The following LRP1 variants were observed in gnomAD, a reference collection of about 807,000 sequenced individuals.
The protein encoded by LRP1 is prolow-density lipoprotein receptor-related protein 1.
A neutral mutation model predicts 541.5 loss-of-function variants in LRP1; 51 were observed. That is an observed-to-expected ratio of 0.09 (90% CI 0.08 to 0.12). The LOEUF (loss-of-function observed/expected upper bound fraction) is 0.12, where lower values mean the gene tolerates loss of function less well. Among genes scored for constraint, LRP1 ranks in the 10% least tolerant of loss-of-function variants. The probability of loss-of-function intolerance (pLI) is 1.00; values close to 1 mark genes in which losing one functional copy is unlikely to be tolerated. For missense variants in LRP1, 3,878 were observed against 6,376.2 expected (o/e 0.61, Z 13.34); for synonymous variants, 2,219 against 2,470.8 (o/e 0.90, Z 3.02).
At position 57,198,598 on chromosome 12, in the gene LRP1, C is replaced by T. The variant is rs908773718; in HGVS notation, c.9604C>T (p.Arg3202Cys). 42 of 1,613,724 alleles carry T rather than the reference C, an allele frequency of 2.6e-5. No homozygotes were observed. Among genetic ancestry groups the T allele is most frequent in the Non-Finnish European group, 3.5e-5 (41 of 1,179,966 alleles). ...CCTGACGCTGGACTATGTCACTGAG[C>T]GCATCTACTGGGCCGACGCCCGCGA... ...NGLTLDYVTERIYWADAREDY... is the reference protein window; with the variant it reads ...NGLTLDYVTECIYWADAREDY... Residue 3202 changes from arginine to cysteine, a missense_variant, in exon 60 of 89, where the codon CGC (arginine) becomes TGC (cysteine). Around this residue, in one of 13 missense-constraint regions of LRP1, gnomAD observed 1,100 missense variants for 1,827.4 expected, o/e 0.60. Coordinates refer to ENST00000243077, the MANE Select transcript of LRP1 (RefSeq NM_002332.3).
rs375230808 is a variant in LRP1 at position 57,210,047 on chromosome 12, G to A, written c.12458G>A (p.Arg4153His). The A allele has an allele frequency of 6.8e-6, 11 of 1,610,658 alleles. No individual in the cohort carries two copies. The highest frequency in any genetic ancestry group is 2.2e-5 in the South Asian group (2 of 90,598). Residue 4153 changes from arginine to histidine, a missense_variant, in exon 81 of 89, where the codon CGC becomes CAC. Physicochemically the swap from Arg to His is conservative, Grantham distance 29. Around this residue, in one of 13 missense-constraint regions of LRP1, gnomAD observed 871 missense variants for 1,212.4 expected, o/e 0.72. Coordinates refer to ENST00000243077, the MANE Select transcript of LRP1 (RefSeq NM_002332.3). ...CCTGCAGTGACCAACCCATGTGACC[G>A]CAAGAAATGCGAGTGGCTCTGCCTG... is the stretch of plus-strand genomic sequence containing the variant. Reference protein sequence around the residue: ...KQPEVTNPCDRKKCEWLCLLS... With the variant: ...KQPEVTNPCDHKKCEWLCLLS...
chr12:57,209,835 G>A lies in LRP1; in HGVS notation c.12406G>A (p.Val4136Met), dbSNP rs746896607. 13 of 1,614,032 alleles carry A rather than the reference G, an allele frequency of 8.1e-6. No individual in the cohort carries two copies. The highest frequency in any genetic ancestry group is 1.3e-5 in the African/African-American group (1 of 74,934). Residue 4136 changes from valine to methionine, a missense_variant, in exon 80 of 89, where the codon GTG (valine) becomes ATG (methionine). By Grantham distance (21) the Val-to-Met change is conservative. Transcript: ENST00000243077. ...AGGGGGCCTGAGCCACGCCTCTGAC[G>A]TGGTCCTTTACCATCAGCACAAGCA... The part of the protein sequence containing the change: ...LTGGLSHASD[V>M]VLYHQHKQPE...
chr12:57,169,456 C>T (rs914585980), intron 20 of LRP1, 149 bp downstream of exon 20: 14 of 720,176 alleles, frequency 1.9e-5, no homozygotes, highest in African/African-American at 5.3e-5. Context: ...CCTTCAGGAG[C>T]TCCCGGTCCT....
chr12:57,201,316 T>C lies in LRP1; in HGVS notation c.10345+163T>C, dbSNP rs1295518214. On this transcript the variant is annotated intron_variant, in intron 65 of 88. Transcript: ENST00000243077. This position sits in a 1 kb window ranked among gnomAD's most constrained non-coding sequence, Gnocchi z 6.4. ...CTTTGCTCATAAAAATCATCATGCA[T>C]GATATAGAGACATAGAGATCCAGAA... 6.6e-6 allele frequency among the ~76,000 whole-genome samples: 1 copy of C among 152,122 alleles called. No individual in the cohort carries two copies. The highest frequency in any genetic ancestry group is 6.5e-5 in the Admixed American group (1 of 15,282).
In LRP1 at chr12:57,128,898, G is replaced by C. The variant is rs984630715; in HGVS notation, c.-67G>C. 3 of 1,373,964 alleles carry C rather than the reference G, an allele frequency of 2.2e-6. No individual in the cohort carries two copies. Among genetic ancestry groups the C allele is most frequent in the East Asian group, 2.6e-5 (1 of 38,844 alleles). 85.1% of individuals were successfully genotyped at this position (1,373,964 alleles called of 1,614,324 possible). A position where few individuals can be genotyped will look rare whatever the true frequency, so the allele number is the denominator to read the frequency against. Reference sequence around the variant, plus strand: ...GAGGAAAAGGGGGACCCCCCAACTGGGGGGGGTGAAGGAGAGAAGTAGCAG... The same window carrying C: ...GAGGAAAAGGGGGACCCCCCAACTGCGGGGGGTGAAGGAGAGAAGTAGCAG... On this transcript the variant is annotated 5_prime_UTR_variant, in exon 1 of 89. Transcript: ENST00000243077.
intron 2 of LRP1, among the ~76,000 whole-genome samples, chr12:57,141,106 A>T (rs1173033802): frequency 1.3e-5 from 2 of 152,036 alleles, no homozygotes; most frequent in African/African-American, 4.8e-5. Flanking sequence ...CTGAGCATAG[A>T]ATGTTGAGGC....
At chr12:57,196,850 T>G (rs1592652966) in intron 55 of LRP1, 132 bp from the exon 56 acceptor site, 2 of 721,174 alleles carry the variant, frequency 2.8e-6, no homozygotes, top group Admixed American at 4.8e-5. Flanking sequence ...GCCAGCTGGG[T>G]GGGCTCAGTA....
At position 57,179,609 on chromosome 12, in the gene LRP1, C is replaced by T; in HGVS notation, c.4966+53C>T. 6.5e-7 allele frequency: 1 copy of T among 1,534,508 alleles called. No homozygotes were observed. The highest frequency in any genetic ancestry group is 2.3e-5 in the East Asian group (1 of 44,300). On this transcript the variant is annotated intron_variant, in intron 29 of 88. Transcript: ENST00000243077. This position sits in a 1 kb window ranked among gnomAD's most constrained non-coding sequence, Gnocchi z 6.8. ...GTGGACATGGGCACCTCCACCCGCC[C>T]CTTGCTCCCAACCCTGGTCTACTTG...
At position 57,211,718 on chromosome 12, in the gene LRP1, T is replaced by A; in HGVS notation, c.13194-32T>A. ...CTGGCAGCAGTGGCTATGGAGGTTA[T>A]ACCTACTCAGCCGTGTCCCTCCTTT... On this transcript the variant is annotated intron_variant, in intron 85 of 88. Transcript: ENST00000243077. This position sits in a 1 kb window ranked among gnomAD's most constrained non-coding sequence, Gnocchi z 4.3. 1.9e-6 allele frequency: 3 copies of A among 1,606,120 alleles called. No individual in the cohort carries two copies. The highest frequency in any genetic ancestry group is 2.6e-6 in the Non-Finnish European group (3 of 1,173,588).
intron 2 of LRP1, 138 bp downstream of exon 2, chr12:57,138,719 T>TA (rs1170389146): frequency 8.1e-7 from 1 of 1,241,164 alleles, no homozygotes; most frequent in Non-Finnish European, 1.1e-6. Context: ...ATGACACAGC[T>TA]AAAACTGTCC....
At chr12:57,174,004 G>T (rs2035996087) in intron 22 of LRP1, 24 bp downstream of exon 22, 5 of 1,610,540 alleles carry the variant, frequency 3.1e-6, no homozygotes, top group East Asian at 2.2e-5. Flanking sequence ...CCAGGAGAAG[G>T]GTAGGGAGGG....
intron 76 of LRP1, among the ~76,000 whole-genome samples, chr12:57,207,547 AAAAG>A (rs2036811060): frequency 6.6e-6 from 1 of 151,702 alleles, no homozygotes; most frequent in Non-Finnish European, 1.5e-5. Flanking sequence ...AAAAAAAAGA[AAAAG>A]AAAACAAAAG....
intron 4 of LRP1, 83 bp downstream of exon 4, chr12:57,143,881 G>A: frequency 6.8e-7 from 1 of 1,468,556 alleles, no homozygotes; most frequent in Middle Eastern, 1.8e-4. Context: ...GAGGGGTAGG[G>A]GGCCTGGCTG....
At chr12:57,207,318 T>TA (rs1191536400) in intron 76 of LRP1, among the ~76,000 whole-genome samples, 53 of 37,788 alleles carry the variant, frequency 1.4e-3, no homozygotes, top group East Asian at 7.8e-3. Flanking sequence ...AATAAATAAA[T>TA]AAATAAAATA....
At position 57,208,799 on chromosome 12, in the gene LRP1, A is replaced by G. The variant is rs762976274; in HGVS notation, c.12127A>G (p.Asn4043Asp). The G allele has an allele frequency of 1.9e-6, 3 of 1,613,864 alleles. No homozygotes were observed. The highest frequency in any genetic ancestry group is 2.5e-6 in the Non-Finnish European group (3 of 1,179,932). Residue 4043 changes from asparagine to aspartate, a missense_variant, in exon 78 of 89, where the codon AAC becomes GAC. Around this residue, in one of 13 missense-constraint regions of LRP1, gnomAD observed 871 missense variants for 1,212.4 expected, o/e 0.72. Transcript: ENST00000243077. Reference protein sequence around the residue: ...GTLRETLVQDNIQWPTGLAVD... With the variant: ...GTLRETLVQDDIQWPTGLAVD... ...GCTTCGGGAGACACTGGTGCAGGACAACATTCAGTGGCCCACAGGTTTGTG... is the reference window on the plus strand; with the variant it reads ...GCTTCGGGAGACACTGGTGCAGGACGACATTCAGTGGCCCACAGGTTTGTG...
Position 57,177,266 on chromosome 12 carries a change from TCTC to T in LRP1, c.4196+24_4196+26del. 2 of 1,610,470 alleles carry T rather than the reference TCTC, an allele frequency of 1.2e-6. No individual in the cohort carries two copies. Among genetic ancestry groups the T allele is most frequent in the Non-Finnish European group, 1.7e-6 (2 of 1,177,192 alleles). On this transcript the variant is annotated intron_variant, in intron 25 of 88. Transcript: ENST00000243077. This position sits in a 1 kb window ranked among gnomAD's most constrained non-coding sequence, Gnocchi z 6.8. The stretch of plus-strand genomic sequence containing the variant: ...GATGGGTGAGGACCTTGCCCAGCCT[TCTC>T]CTGGCCCCATGGCCCCCCTGAAGTC...
At chr12:57,151,008 T>C (rs1856320237) in intron 6 of LRP1, among the ~76,000 whole-genome samples, 1 of 151,880 alleles carries the variant, frequency 6.6e-6, no homozygotes, top group African/African-American at 2.4e-5. Context: ...GTGTATACAC[T>C]CTTGGGTGTG....
rs144532690 is a variant in LRP1, at chr12:57,175,653, C to T, written c.3741C>T (p.Ser1247=). 2 of 1,600,022 alleles carry T rather than the reference C, an allele frequency of 1.2e-6. No homozygotes were observed. The highest frequency in any genetic ancestry group is 1.7e-6 in the Non-Finnish European group (2 of 1,171,370). ...CDQNKFSVKC[S]CYEGWVLEPD... ...AGAACAAGTTCAGCGTGAAGTGCTC[C>T]TGCTACGAGGGCTGGGTCCTGGAAC... is the stretch of plus-strand genomic sequence containing the variant. The change falls in exon 23 of 89, where the codon TCC becomes TCT. Residue 1247 remains serine, a synonymous_variant. Transcript: ENST00000243077.
chr12:57,156,405 C>T lies in LRP1; in HGVS notation c.1417+122C>T, dbSNP rs774083715. 9.5e-6 allele frequency: 10 copies of T among 1,048,666 alleles called. No homozygotes were observed. Among genetic ancestry groups the T allele is most frequent in the East Asian group, 7.9e-5 (3 of 38,034 alleles). 65.0% of individuals were successfully genotyped at this position (1,048,666 alleles called of 1,614,324 possible). On this transcript the variant is annotated intron_variant, in intron 9 of 88. Coordinates refer to ENST00000243077, the MANE Select transcript of LRP1 (RefSeq NM_002332.3). The surrounding 1 kb of genome is among the most constrained non-coding windows in gnomAD (Gnocchi z 5.2). ...ACCCTGGCTTCTTTCATGTCATGAC[C>T]GATTCTCCTAGCCAGCCACTCGGGC...
Sources: allele counts gnomAD v4.1 joint callset (sites outside exome capture counted in the v4.1 genomes callset), GRCh38; gene constraint gnomAD v4.1.1; regional missense constraint gnomAD v4.1.1; non-coding constraint Gnocchi (gnomAD v3.1); transcripts MANE v1.5; gene names NCBI Gene and HGNC (gene_info 2026-07-23, HGNC 2026-07-21).